Variants in DOCK1 observed in about 807,000 individuals in gnomAD.
DOCK1 encodes the protein dedicator of cytokinesis 1, also known as dedicator of cytokinesis protein 1.
Under a neutral mutation model 262.7 loss-of-function variants are expected in DOCK1, and 138 were observed. That is an observed-to-expected ratio of 0.53 (90% CI 0.46 to 0.61). The LOEUF is 0.61. Ranked by LOEUF, DOCK1 falls within the 20% of genes least tolerant of loss-of-function variation. The pLI is 0.00. For synonymous variants in DOCK1, 866 were observed against 867.4 expected (o/e 1.00, Z 0.03); for missense variants, 1,908 against 2,370.7 (o/e 0.80, Z 4.05).
chr10:127,316,878 C>T (rs557886578), intron 29 of DOCK1, among the ~76,000 whole-genome samples: 1 of 152,172 alleles, frequency 6.6e-6, no homozygotes, highest in African/African-American at 2.4e-5. Context: ...TTGCCACTCC[C>T]CCTCCAAGAA....
intron 29 of DOCK1, among the ~76,000 whole-genome samples, chr10:127,270,971 A>G (rs1421183750): frequency 2.7e-5 from 4 of 150,046 alleles, no homozygotes; most frequent in Admixed American, 6.7e-5. Context: ...CCTTTTTTCT[A>G]TGCTTAACAA....
intron 21 of DOCK1, among the ~76,000 whole-genome samples, chr10:127,044,684 G>A (rs926630485): frequency 6.6e-6 from 1 of 152,120 alleles, no homozygotes; most frequent in Non-Finnish European, 1.5e-5. Context: ...TAGGCTCCGT[G>A]CTTGAATTTC....
intron 29 of DOCK1, among the ~76,000 whole-genome samples, chr10:127,298,228 A>G (rs1401176844): frequency 6.6e-6 from 1 of 152,202 alleles, no homozygotes; most frequent in Non-Finnish European, 1.5e-5. Context: ...CTATATGCTA[A>G]TTAGTGTCAA....
At chr10:127,364,569 T>C (rs984375912) in intron 33 of DOCK1, among the ~76,000 whole-genome samples, 1 of 152,314 alleles carries the variant, frequency 6.6e-6, no homozygotes, top group Middle Eastern at 3.4e-3. Context: ...TTTCACCACG[T>C]TGGCCAGGAT....
At chr10:127,218,842 G>A (rs2058316012) in intron 27 of DOCK1, among the ~76,000 whole-genome samples, 1 of 152,130 alleles carries the variant, frequency 6.6e-6, no homozygotes, top group South Asian at 2.1e-4. Context: ...CAAAATCAAG[G>A]CACCAGCAAG....
At chr10:127,120,513 T>C (rs1353395846) in intron 25 of DOCK1, among the ~76,000 whole-genome samples, 4 of 152,224 alleles carry the variant, frequency 2.6e-5, no homozygotes, top group Non-Finnish European at 5.9e-5. Context: ...GATACATATT[T>C]TACATTCTTT....
At chr10:127,223,492 T>G (rs562236896) in intron 27 of DOCK1, among the ~76,000 whole-genome samples, 61 of 152,224 alleles carry the variant, frequency 4.0e-4, no homozygotes, top group Non-Finnish European at 6.5e-4. Context: ...ACCCCAAAAT[T>G]TTTGTGTGCT....
At chr10:127,118,894 C>T (rs2049354691) in intron 25 of DOCK1, among the ~76,000 whole-genome samples, 1 of 152,218 alleles carries the variant, frequency 6.6e-6, no homozygotes, top group African/African-American at 2.4e-5. Context: ...GATTTATTCT[C>T]TGGTACTGCT....
At chr10:127,247,446 T>C (rs2059469898) in intron 27 of DOCK1, among the ~76,000 whole-genome samples, 1 of 152,082 alleles carries the variant, frequency 6.6e-6, no homozygotes, top group Non-Finnish European at 1.5e-5. Flanking sequence ...TTTGAGAAAT[T>C]AGAGGCCTTT....
In DOCK1 at chr10:127,341,629, G is replaced by A. The variant is rs551458586; in HGVS notation, c.3124-2017G>A. Reference sequence around the variant, plus strand: ...CACATGACTTGCTGGGTAGATTCCCGTGTGTTTTAGTTGTGGCTGCTCTGG... The same window carrying A: ...CACATGACTTGCTGGGTAGATTCCCATGTGTTTTAGTTGTGGCTGCTCTGG... On this transcript the variant is annotated intron_variant, in intron 30 of 51. Transcript: ENST00000623213. Among the ~76,000 whole-genome samples the A allele has an allele frequency of 4.6e-5, 7 of 152,178 alleles. No homozygotes were observed. The South Asian group carries it at 1.0e-3, about 23-fold the overall frequency.
intron 1 of DOCK1, among the ~76,000 whole-genome samples, chr10:126,962,242 C>T (rs1398319261): frequency 6.6e-6 from 1 of 152,078 alleles, no homozygotes; most frequent in Non-Finnish European, 1.5e-5. Context: ...TCACTGCAAC[C>T]TCCGCCTCCC....
intron 48 of DOCK1, among the ~76,000 whole-genome samples, chr10:127,435,163 G>A (rs1335057511): frequency 6.6e-6 from 1 of 152,294 alleles, no homozygotes; most frequent in East Asian, 1.9e-4. Flanking sequence ...CGGCAAGCAT[G>A]TAAAGTTTGT....
intron 35 of DOCK1, among the ~76,000 whole-genome samples, chr10:127,378,970 G>A (rs181410031): frequency 4.6e-5 from 7 of 152,324 alleles, no homozygotes; most frequent in Admixed American, 3.9e-4. Context: ...GACATCAATT[G>A]TAGAAGCAAT....
At chr10:127,247,629 G>A (rs780870410) in intron 27 of DOCK1, among the ~76,000 whole-genome samples, 1 of 152,116 alleles carries the variant, frequency 6.6e-6, no homozygotes, top group Non-Finnish European at 1.5e-5. Flanking sequence ...GGACAACCCT[G>A]TATCAGGAAA....
Position 127,418,677 on chromosome 10 carries a change from C to A in DOCK1, c.4692+136C>A, listed in dbSNP as rs571631995. 375 of 1,147,870 alleles carry A rather than the reference C, an allele frequency of 3.3e-4. 2 individuals are homozygous for A. The Middle Eastern group carries it at 5.1e-3, about 16-fold the overall frequency. 71.1% of individuals were successfully genotyped at this position (1,147,870 alleles called of 1,614,324 possible). A position where few individuals can be genotyped will look rare whatever the true frequency, so the allele number is the denominator to read the frequency against. ...CAGCAGTGGCCCAGCCAAGGCCAGG[C>A]AGCAGCAGCCAGTGGCGGCCCCTGA... is the stretch of plus-strand genomic sequence containing the variant. On this transcript the variant is annotated intron_variant, in intron 45 of 51. Transcript: ENST00000623213.
intron 29 of DOCK1, among the ~76,000 whole-genome samples, chr10:127,282,194 G>T (rs2466286): frequency 6.6e-6 from 1 of 151,990 alleles, no homozygotes; most frequent in Non-Finnish European, 1.5e-5. Context: ...GGGTAAGGGT[G>T]CACTCTTGTG....
At position 127,049,438 on chromosome 10, in the gene DOCK1, G is replaced by A. The variant is rs543287102; in HGVS notation, c.2202-3243G>A. On this transcript the variant is annotated intron_variant, in intron 21 of 51. Coordinates refer to ENST00000623213, the MANE Select transcript of DOCK1 (RefSeq NM_001290223.2). ...TGGGAGGCTGAGGCAGTAGAATCTC[G>A]TGAACTTGGGAGGGAGAGGTTGCAG... Among the ~76,000 whole-genome samples the A allele has an allele frequency of 6.6e-5, 10 of 152,140 alleles. No individual in the cohort carries two copies. The East Asian group carries it at 1.5e-3, about 23-fold the overall frequency.
intron 29 of DOCK1, among the ~76,000 whole-genome samples, chr10:127,283,974 G>A (rs972734533): frequency 2.0e-5 from 3 of 152,012 alleles, no homozygotes; most frequent in African/African-American, 4.8e-5. Flanking sequence ...TTGCACTCTC[G>A]CCAGAATTCA....
intron 1 of DOCK1, among the ~76,000 whole-genome samples, chr10:126,909,347 A>G (rs1393275439): frequency 6.6e-6 from 1 of 152,218 alleles, no homozygotes. Context: ...GAGCCCAGCC[A>G]GCCAACACCT....
Sources: gnomAD v4.1 joint callset for allele counts (sites outside exome capture counted in the v4.1 genomes callset) on GRCh38, gnomAD v4.1.1 for gene constraint, MANE v1.5 for transcripts, NCBI Gene and HGNC (gene_info 2026-07-23, HGNC 2026-07-21) for gene names.